USP34: variants seen among roughly 807,000 people sequenced by gnomAD.
USP34 encodes ubiquitin specific peptidase 34.
In USP34, 70 loss-of-function variants were observed where a neutral mutation model predicts 460.3. That is an observed-to-expected ratio of 0.15 (90% confidence interval 0.13 to 0.19). USP34 has a LOEUF of 0.19. Ranked by LOEUF, USP34 falls within the 10% of genes least tolerant of loss-of-function variation. The pLI, the probability that USP34 is intolerant of heterozygous loss-of-function variation, is 1.00. For missense variants in USP34, 3,985 were observed against 4,236.2 expected, an observed-to-expected ratio of 0.94 and a Z score of 1.65; for synonymous variants, 1,647 against 1,405.3, an observed-to-expected ratio of 1.17 and a Z score of -3.85.
At chr2:61,417,335 G>A (rs1573020551) in intron 2 of USP34, 3 of 651,040 alleles carry the variant, frequency 4.6e-6, no homozygotes, top group Non-Finnish European at 8.3e-6. Context: ...TTGCACACTG[G>A]ACCCCCATAA....
intron 18 of USP34, among the ~76,000 whole-genome samples, chr2:61,336,920 C>T (rs748888088): frequency 1.1e-4 from 16 of 151,358 alleles, no homozygotes; most frequent in Non-Finnish European, 2.2e-4. Context: ...TTCTTTTTAA[C>T]GGTTAGGCCT....
chr2:61,187,669 G>T lies in USP34; in HGVS notation c.*433C>A. ...GAATCAAATTTCTTGTGGTTGTTCC[G>T]TATACAAGTAAACTTAATTTTGATA... On this transcript the variant is annotated 3_prime_UTR_variant, in exon 80 of 80. Transcript: ENST00000398571. 1.8e-6 allele frequency: 1 copy of T among 555,240 alleles called. No individual in the cohort carries two copies. Among genetic ancestry groups the T allele is most frequent in the Non-Finnish European group, 2.3e-6 (1 of 435,120 alleles). The allele number at this position is 555,240 out of a possible 1,614,324, so 34.4% of individuals were successfully genotyped here.
chr2:61,437,647 C>A lies in USP34; in HGVS notation c.44-16814G>T, dbSNP rs1371911139. On this transcript the variant is annotated intron_variant, in intron 1 of 79. Transcript: ENST00000398571. Reference sequence around the variant, plus strand: ...AATTAGCCAGGCATGGTGGCAGGCACCTGCAGTCCCAGCTAGTCGGGAGGC... The same window carrying A: ...AATTAGCCAGGCATGGTGGCAGGCAACTGCAGTCCCAGCTAGTCGGGAGGC... 5.9e-5 allele frequency among the ~76,000 whole-genome samples: 9 copies of A among 152,002 alleles called. No homozygotes were observed. The East Asian group carries it at 1.7e-3, about 29-fold the overall frequency.
At chr2:61,315,341 T>G (rs1330874824) in intron 23 of USP34, among the ~76,000 whole-genome samples, 2 of 151,868 alleles carry the variant, frequency 1.3e-5, no homozygotes, top group African/African-American at 4.8e-5. Context: ...TCACAGAAAA[T>G]TAACAACATA....
intron 34 of USP34, among the ~76,000 whole-genome samples, chr2:61,286,568 C>T (rs1386768816): frequency 1.3e-5 from 2 of 151,948 alleles, no homozygotes; most frequent in Non-Finnish European, 2.9e-5. Flanking sequence ...GGTAGTAAAA[C>T]CGCTTGAACA....
At chr2:61,298,709 T>A (rs1227057361) in intron 29 of USP34, among the ~76,000 whole-genome samples, 1 of 151,712 alleles carries the variant, frequency 6.6e-6, no homozygotes, top group African/African-American at 2.4e-5. Context: ...CACACAAACA[T>A]CTAAATTTTG....
At chr2:61,311,939 A>G in intron 25 of USP34, 29 bp from the exon 26 acceptor site, 1 of 1,606,430 alleles carries the variant, frequency 6.2e-7, no homozygotes, top group Non-Finnish European at 8.5e-7. Flanking sequence ...AACACATAGA[A>G]AGGATACCAT....
Position 61,284,955 on chromosome 2 carries a change from T to C in USP34, c.4752A>G (p.Val1584=). Residue 1584 remains valine, a splice_region_variant and synonymous_variant, in exon 35 of 80, where the codon GTA becomes GTG. Transcript: ENST00000398571. ...TGGTTCCTTGGACAAGAACAAGAAA[T>C]ACCTTTAAAACAAAAACATTTTAAA... ...KGLHIPRLTE[V]FLVLVQGTSL... 2 of 1,607,580 alleles carry C rather than the reference T, an allele frequency of 1.2e-6. No homozygotes were observed. The highest frequency in any genetic ancestry group is 1.7e-6 in the Non-Finnish European group (2 of 1,177,270).
At chr2:61,196,872 C>A (rs1686825888) in intron 75 of USP34, among the ~76,000 whole-genome samples, 1 of 152,154 alleles carries the variant, frequency 6.6e-6, no homozygotes, top group Non-Finnish European at 1.5e-5. Context: ...CCACAACTAC[C>A]AAGAAGCCAG....
intron 16 of USP34, among the ~76,000 whole-genome samples, chr2:61,341,952 G>A (rs561650965): frequency 2.2e-4 from 34 of 151,506 alleles, no homozygotes; most frequent in African/African-American, 6.8e-4. Context: ...TAGTACCAAC[G>A]GGGTTTCACC....
At chr2:61,334,499 G>T (rs2103738454) in intron 18 of USP34, among the ~76,000 whole-genome samples, 1 of 152,248 alleles carries the variant, frequency 6.6e-6, no homozygotes, top group South Asian at 2.1e-4. Context: ...AGTAGGAAAG[G>T]AGGTTGGCTG....
intron 59 of USP34, 31 bp downstream of exon 59, chr2:61,229,517 C>CACACAAACTTAT: frequency 7.8e-7 from 1 of 1,285,012 alleles, no homozygotes; most frequent in South Asian, 1.3e-5. Flanking sequence ...ACAACACAGA[C>CACACAAACTTAT]ACACAAACTT....
chr2:61,233,441 T>C (rs976294619), intron 57 of USP34, among the ~76,000 whole-genome samples: 1 of 152,232 alleles, frequency 6.6e-6, no homozygotes, highest in African/African-American at 2.4e-5. Context: ...AATGTGGAAC[T>C]TGTTTGAACC....
At chr2:61,408,544 C>T (rs1373037739) in intron 2 of USP34, among the ~76,000 whole-genome samples, 1 of 152,064 alleles carries the variant, frequency 6.6e-6, no homozygotes, top group Non-Finnish European at 1.5e-5. Context: ...CACATTTCTC[C>T]TACAATTCTT....
At chr2:61,272,077 T>C (rs993303632) in intron 41 of USP34, among the ~76,000 whole-genome samples, 4 of 152,194 alleles carry the variant, frequency 2.6e-5, no homozygotes, top group African/African-American at 9.6e-5. Flanking sequence ...TTCTTAATAA[T>C]TGGCATTACC....
intron 1 of USP34, among the ~76,000 whole-genome samples, chr2:61,435,261 G>A (rs938729260): frequency 4.8e-5 from 6 of 125,522 alleles, no homozygotes; most frequent in Non-Finnish European, 9.5e-5. Context: ...CTTTAATTGC[G>A]CCACTGTATT....
intron 78 of USP34, 63 bp downstream of exon 78, chr2:61,190,208 G>C (rs1431364529): frequency 6.6e-7 from 1 of 1,521,580 alleles, no homozygotes; most frequent in East Asian, 2.3e-5. Flanking sequence ...ATCATATGAA[G>C]GCCACACAGT....
At position 61,265,369 on chromosome 2, in the gene USP34, T is replaced by C. The variant is rs543150393; in HGVS notation, c.5778+28A>G. The C allele has an allele frequency of 1.5e-4, 240 of 1,583,394 alleles. 3 individuals are homozygous for C. In the South Asian group the frequency reaches 2.7e-3, roughly 18 times the overall value. The stretch of plus-strand genomic sequence containing the variant: ...AAATATTAAAATCTGGTTTATAATT[T>C]TGATTTTTAAAGTGAGGAAAATTCT... On this transcript the variant is annotated intron_variant, in intron 43 of 79. Transcript: ENST00000398571.
intron 21 of USP34, 27 bp from the exon 22 acceptor site, chr2:61,319,354 TTTA>T (rs1690843836): frequency 6.9e-7 from 1 of 1,456,428 alleles, no homozygotes; most frequent in African/African-American, 1.5e-5. Context: ...AATTTTATAC[TTTA>T]TTAACTACAT....
Sources: gnomAD v4.1 joint callset for allele counts (sites outside exome capture counted in the v4.1 genomes callset) on GRCh38, gnomAD v4.1.1 for gene constraint, MANE v1.5 for transcripts, NCBI Gene and HGNC (gene_info 2026-07-23, HGNC 2026-07-21) for gene names.